The following CTNNA2 variants were observed in gnomAD, a reference collection of about 807,000 sequenced individuals.
CTNNA2 encodes catenin alpha 2, also known as catenin alpha-2.
In CTNNA2, 42 loss-of-function variants were observed where a neutral mutation model predicts 101.0. The ratio of observed to expected loss-of-function variants is 0.42; its 90% CI spans 0.32 to 0.54. The LOEUF is 0.54. Ranked by LOEUF, CTNNA2 falls within the 20% of genes least tolerant of loss-of-function variation. The pLI, the probability that CTNNA2 is intolerant of heterozygous loss-of-function variation, is 0.14. For missense variants in CTNNA2, 871 were observed against 1,223.1 expected, an observed-to-expected ratio of 0.71 and a Z score of 4.29; for synonymous variants, 450 against 456.4, an observed-to-expected ratio of 0.99 and a Z score of 0.18.
At chr2:80,391,314 AT>A (rs1195252046) in intron 7 of CTNNA2, among the ~76,000 whole-genome samples, 8 of 152,044 alleles carry the variant, frequency 5.3e-5, no homozygotes, top group Non-Finnish European at 1.5e-5. Context: ...GGTTGTATAG[AT>A]ATGGCACTGG....
chr2:80,540,459 T>C (rs10204795), intron 9 of CTNNA2, among the ~76,000 whole-genome samples: 70,122 of 151,624 alleles, frequency 0.46, 16,466 homozygotes, highest in South Asian at 0.58. Context: ...TAGCCAGGCG[T>C]AGTGTTGGGT....
intron 2 of CTNNA2, among the ~76,000 whole-genome samples, chr2:79,302,629 G>A (rs565085216): frequency 9.2e-5 from 14 of 152,232 alleles, no homozygotes; most frequent in African/African-American, 3.4e-4. Context: ...CCTTAAGACA[G>A]GACTGTTTTT....
intron 13 of CTNNA2, among the ~76,000 whole-genome samples, chr2:80,577,461 A>G (rs1695153288): frequency 6.6e-6 from 1 of 152,124 alleles, no homozygotes; most frequent in South Asian, 2.1e-4. Context: ...AACTTGACCT[A>G]GAGACCTAAG....
intron 7 of CTNNA2, among the ~76,000 whole-genome samples, chr2:80,057,167 T>C (rs535374160): frequency 8.8e-5 from 13 of 147,910 alleles, no homozygotes; most frequent in Non-Finnish European, 1.6e-4. Context: ...ATAAGAAGTA[T>C]ATAAGTTGTT....
At chr2:79,767,763 C>T (rs1165663796) in intron 3 of CTNNA2, among the ~76,000 whole-genome samples, 2 of 151,778 alleles carry the variant, frequency 1.3e-5, no homozygotes, top group South Asian at 2.1e-4. Context: ...CACCTCATGA[C>T]TCTGATTGGT....
At chr2:79,600,272 T>A (rs2104071035) in intron 1 of CTNNA2, among the ~76,000 whole-genome samples, 1 of 152,204 alleles carries the variant, frequency 6.6e-6, no homozygotes, top group African/African-American at 2.4e-5. Context: ...ACCTCCTGGG[T>A]TCAAGCCATT....
At chr2:80,417,223 A>G (rs1250041758) in intron 8 of CTNNA2, among the ~76,000 whole-genome samples, 2 of 151,548 alleles carry the variant, frequency 1.3e-5, no homozygotes, top group Non-Finnish European at 2.9e-5. Context: ...GAATGATTAA[A>G]TTAAGATAAC....
At chr2:79,690,553 GT>G (rs1684222476) in intron 2 of CTNNA2, among the ~76,000 whole-genome samples, 1 of 151,988 alleles carries the variant, frequency 6.6e-6, no homozygotes, top group African/African-American at 2.4e-5. Flanking sequence ...GGGCTTTTGG[GT>G]TGGTTCCAAG....
At chr2:79,962,253 T>C (rs988999705) in intron 7 of CTNNA2, among the ~76,000 whole-genome samples, 1 of 152,260 alleles carries the variant, frequency 6.6e-6, no homozygotes, top group African/African-American at 2.4e-5. Flanking sequence ...ATTTGGAGTC[T>C]GGCGATGGCC....
intron 7 of CTNNA2, among the ~76,000 whole-genome samples, chr2:80,294,679 G>A (rs1236685578): frequency 6.6e-6 from 1 of 151,970 alleles, no homozygotes; most frequent in African/African-American, 2.4e-5. Context: ...CCTCACCAAG[G>A]CCACACCCCA....
intron 7 of CTNNA2, among the ~76,000 whole-genome samples, chr2:80,061,514 A>T (rs1697600205): frequency 6.6e-6 from 1 of 152,194 alleles, no homozygotes; most frequent in South Asian, 2.1e-4. Flanking sequence ...AACCCCCACA[A>T]CACAAAATAC....
At chr2:79,712,076 A>C (rs1404133698) in intron 2 of CTNNA2, among the ~76,000 whole-genome samples, 1 of 152,180 alleles carries the variant, frequency 6.6e-6, no homozygotes, top group Non-Finnish European at 1.5e-5. Context: ...CAATAACTGC[A>C]TTTATTGAGC....
chr2:80,604,374 A>G (rs544831403), intron 16 of CTNNA2, among the ~76,000 whole-genome samples, 195 bp downstream of exon 16: 1 of 152,086 alleles, frequency 6.6e-6, no homozygotes, highest in African/African-American at 2.4e-5. Flanking sequence ...AGCTCAGGAG[A>G]GAATGCTAAG....
intron 4 of CTNNA2, among the ~76,000 whole-genome samples, chr2:79,446,266 G>A (rs1400986119): frequency 6.6e-6 from 1 of 151,948 alleles, no homozygotes; most frequent in East Asian, 1.9e-4. Context: ...GCCAATAAAT[G>A]TGCCCTAGAA....
Position 80,557,216 on chromosome 2 carries a change from A to G in CTNNA2, c.1741+1323A>G, listed in dbSNP as rs531853314. 2.4e-3 allele frequency among the ~76,000 whole-genome samples: 366 copies of G among 152,334 alleles called. 1 individual carries two copies. The highest frequency in any genetic ancestry group is 8.3e-3 in the African/African-American group (347 of 41,578). On this transcript the variant is annotated intron_variant, in intron 12 of 18. Coordinates refer to ENST00000402739, the MANE Select transcript of CTNNA2 (RefSeq NM_001282597.3). ...ACATAATAACAAAAATAATGACAAG[A>G]TATGACTGCATTTGAATTAGCTGAG... is the stretch of plus-strand genomic sequence containing the variant.
At chr2:79,271,350 TCACTA>T (rs924280238) in intron 2 of CTNNA2, among the ~76,000 whole-genome samples, 6 of 151,314 alleles carry the variant, frequency 4.0e-5, no homozygotes, top group Non-Finnish European at 7.4e-5. Context: ...CACACGTGGG[TCACTA>T]AACCCAGATA....
chr2:79,548,351 C>T (rs1673871275), intron 1 of CTNNA2, among the ~76,000 whole-genome samples: 1 of 152,126 alleles, frequency 6.6e-6, no homozygotes, highest in Non-Finnish European at 1.5e-5. Context: ...TCTCATTTTC[C>T]TGATAATTGT....
chr2:80,033,874 A>C (rs1239274511), intron 7 of CTNNA2, among the ~76,000 whole-genome samples: 1 of 151,816 alleles, frequency 6.6e-6, no homozygotes. Flanking sequence ...ATTCAGTAAA[A>C]ATTGTAGCAG....
intron 2 of CTNNA2, among the ~76,000 whole-genome samples, chr2:79,259,595 G>A (rs920089275): frequency 2.0e-5 from 3 of 152,158 alleles, no homozygotes; most frequent in African/African-American, 7.2e-5. Context: ...GATCCTGCAG[G>A]AGATAGGGTA....
Sources: gnomAD v4.1 joint callset for allele counts (sites outside exome capture counted in the v4.1 genomes callset) on GRCh38, gnomAD v4.1.1 for gene constraint, MANE v1.5 for transcripts, NCBI Gene and HGNC (gene_info 2026-07-23, HGNC 2026-07-21) for gene names.